CBL: variants seen among roughly 807,000 people sequenced by gnomAD.
The protein encoded by CBL is Cbl proto-oncogene.
CBL carries 45 observed loss-of-function variants against 96.9 expected under a neutral mutation model. The observed-to-expected ratio is 0.46, with a 90% CI of 0.37 to 0.60. The LOEUF (loss-of-function observed/expected upper bound fraction) is 0.60, where lower values mean the gene tolerates loss of function less well. Among genes scored for constraint, CBL ranks in the 20% least tolerant of loss-of-function variants. The pLI, the probability that CBL is intolerant of heterozygous loss-of-function variation, is 0.00. For missense variants in CBL, 1,024 were observed against 1,143.5 expected, an observed-to-expected ratio of 0.90 and a Z score of 1.51; for synonymous variants, 420 against 426.8, an observed-to-expected ratio of 0.98 and a Z score of 0.20.
At chr11:119,265,120 A>G (rs1168178818) in intron 2 of CBL, among the ~76,000 whole-genome samples, 1 of 152,190 alleles carries the variant, frequency 6.6e-6, no homozygotes, top group African/African-American at 2.4e-5. Context: ...AGTTCAAGCA[A>G]TCTGCCGGCC....
rs538958042 is a variant in CBL, at chr11:119,218,991, G to A, written c.195+12379G>A. On this transcript the variant is annotated intron_variant, in intron 1 of 15. Coordinates refer to ENST00000264033, the MANE Select transcript of CBL (RefSeq NM_005188.4). ...CCAGCACTTTGGGAGGCTAAGGTGG[G>A]TGTATCACTTGTGTCCAGGAGTTCG... Among the ~76,000 whole-genome samples the A allele has an allele frequency of 1.1e-4, 17 of 152,268 alleles. No individual in the cohort carries two copies. In the South Asian group the frequency reaches 3.5e-3, roughly 32 times the overall value.
chr11:119,267,608 C>T (rs1565869277), intron 2 of CBL, among the ~76,000 whole-genome samples: 1 of 152,188 alleles, frequency 6.6e-6, no homozygotes, highest in Admixed American at 6.5e-5. Flanking sequence ...TTCTCATACT[C>T]TGTGTTATTC....
intron 2 of CBL, among the ~76,000 whole-genome samples, chr11:119,254,952 T>A (rs1019435816): frequency 6.6e-6 from 1 of 152,142 alleles, no homozygotes; most frequent in Non-Finnish European, 1.5e-5. Flanking sequence ...TGAGCATCAG[T>A]GACATCATTT....
chr11:119,209,880 A>T, intron 1 of CBL, among the ~76,000 whole-genome samples: 1 of 152,218 alleles, frequency 6.6e-6, no homozygotes, highest in East Asian at 1.9e-4. Flanking sequence ...TGGAACTTAA[A>T]CTTAACTGTT....
rs757933118 is a variant in CBL at position 119,278,207 on chromosome 11, A to G, written c.1137A>G (p.Gln379=). The G allele has an allele frequency of 3.1e-6, 5 of 1,611,652 alleles. No homozygotes were observed. The highest frequency in any genetic ancestry group is 1.7e-4 in the Middle Eastern group (1 of 6,054). ...ELYCEMGSTF[Q]LCKICAENDK... ...ACTGTGAGATGGGCTCCACATTCCA[A>G]CTATGTAAAATATGTGCTGAAAATG... The change falls in exon 8 of 16, where the codon CAA becomes CAG. Residue 379 remains glutamine (Q), a synonymous_variant. Transcript: ENST00000264033.
intron 1 of CBL, among the ~76,000 whole-genome samples, chr11:119,225,758 G>A (rs1201006815): frequency 2.9e-5 from 2 of 69,254 alleles, no homozygotes; most frequent in South Asian, 5.2e-4. Context: ...ACAGAGTTTC[G>A]TTCTTGTTGC....
At chr11:119,255,793 T>C (rs1949706751) in intron 2 of CBL, among the ~76,000 whole-genome samples, 1 of 152,166 alleles carries the variant, frequency 6.6e-6, no homozygotes, top group African/African-American at 2.4e-5. Flanking sequence ...CACAAATGAA[T>C]GTATGTCTAT....
At chr11:119,223,578 C>A (rs1006490740) in intron 1 of CBL, among the ~76,000 whole-genome samples, 1 of 147,400 alleles carries the variant, frequency 6.8e-6, no homozygotes, top group Admixed American at 6.8e-5. Flanking sequence ...TACAGGCGCC[C>A]GCCACCACGC....
chr11:119,253,431 A>T (rs1363738434), intron 2 of CBL, among the ~76,000 whole-genome samples: 1 of 127,610 alleles, frequency 7.8e-6, no homozygotes, highest in Non-Finnish European at 1.6e-5. Flanking sequence ...AGCCTGCTCA[A>T]TATAGCAAGA....
At chr11:119,257,907 A>AT (rs1306963534) in intron 2 of CBL, among the ~76,000 whole-genome samples, 7 of 152,076 alleles carry the variant, frequency 4.6e-5, no homozygotes, top group Admixed American at 2.0e-4. Flanking sequence ...CCATTGGTGT[A>AT]TTAGTCCATT....
At chr11:119,221,235 T>C (rs1213422495) in intron 1 of CBL, among the ~76,000 whole-genome samples, 1 of 147,326 alleles carries the variant, frequency 6.8e-6, no homozygotes, top group Non-Finnish European at 1.5e-5. Flanking sequence ...AGAGCGAGAC[T>C]CCATCTCAGA....
chr11:119,251,152 A>G (rs1252225706), intron 2 of CBL, among the ~76,000 whole-genome samples: 6 of 152,010 alleles, frequency 3.9e-5, no homozygotes, highest in Admixed American at 6.6e-5. Flanking sequence ...AACTCAACCT[A>G]TCCTTCTTCC....
intron 1 of CBL, among the ~76,000 whole-genome samples, chr11:119,228,495 A>T (rs1949476442): frequency 6.6e-6 from 1 of 151,964 alleles, no homozygotes. Flanking sequence ...AATCCCAGCT[A>T]CTTGGGAGGC....
rs1423287961 is a variant in CBL at position 119,285,313 on chromosome 11, G to A, written c.1688G>A (p.Arg563His). The change falls in exon 11 of 16, where the codon CGC (arginine) becomes CAC (histidine). Residue 563 changes from arginine (R) to histidine (H), a missense_variant. This residue lies in a region of CBL where 695 missense variants were observed against 661.6 expected (regional missense o/e 1.05). Coordinates refer to ENST00000264033, the MANE Select transcript of CBL (RefSeq NM_005188.4). ...SVGAESRPQR[R>H]PLPCTPGDCP... The stretch of plus-strand genomic sequence containing the variant: ...GGAGCAGAATCCCGACCTCAAAGAC[G>A]CCCCTTGCCTTGTACACCAGGCGAC... The A allele has an allele frequency of 1.1e-5, 17 of 1,613,876 alleles. No homozygotes were observed. The highest frequency in any genetic ancestry group is 1.3e-5 in the African/African-American group (1 of 74,826).
rs1950115732 is a variant in CBL, at chr11:119,303,625, G to T, written c.*3844G>T. ...GGCCAAGATTCTCCCATTATCCCCTGTTGTCTCCTGTAGCTTTGATAATGC... is the reference window on the plus strand; with the variant it reads ...GGCCAAGATTCTCCCATTATCCCCTTTTGTCTCCTGTAGCTTTGATAATGC... On this transcript the variant is annotated 3_prime_UTR_variant, in exon 16 of 16. Coordinates refer to ENST00000264033, the MANE Select transcript of CBL (RefSeq NM_005188.4). 1 of 233,554 alleles carries T rather than the reference G, an allele frequency of 4.3e-6. No homozygotes were observed. Among genetic ancestry groups the T allele is most frequent in the Admixed American group, 5.6e-5 (1 of 17,782 alleles). The allele number at this position is 233,554 out of a possible 1,614,324, so 14.5% of individuals were successfully genotyped here.
rs1950144138 is a variant in CBL at position 119,306,608 on chromosome 11, T to G, written c.*6827T>G. Reference sequence around the variant, plus strand: ...ACCTTCTTGTGGGTGAGGGTGGCCATGCTTATGGCCATCTTAAAACTGGAG... The same window carrying G: ...ACCTTCTTGTGGGTGAGGGTGGCCAGGCTTATGGCCATCTTAAAACTGGAG... On this transcript the variant is annotated 3_prime_UTR_variant, in exon 16 of 16. Transcript: ENST00000264033. The G allele has an allele frequency of 1.9e-5, 7 of 373,258 alleles. No homozygotes were observed. The allele number at this position is 373,258 out of a possible 1,614,324, so 23.1% of individuals were successfully genotyped here.
At chr11:119,262,864 TG>T (rs1949764512) in intron 2 of CBL, among the ~76,000 whole-genome samples, 1 of 152,172 alleles carries the variant, frequency 6.6e-6, no homozygotes, top group Non-Finnish European at 1.5e-5. Flanking sequence ...CTTTGAAGAA[TG>T]GGCAGGATTT....
At chr11:119,215,170 T>G (rs1949349297) in intron 1 of CBL, among the ~76,000 whole-genome samples, 1 of 152,016 alleles carries the variant, frequency 6.6e-6, no homozygotes, top group Non-Finnish European at 1.5e-5. Flanking sequence ...GCTCTCTCCG[T>G]TTTGTGAGTT....
chr11:119,296,522 C>T (rs939768806), intron 12 of CBL, among the ~76,000 whole-genome samples: 1 of 152,194 alleles, frequency 6.6e-6, no homozygotes, highest in African/African-American at 2.4e-5. Context: ...ACAAGCTATG[C>T]ATTCCTTGAA....
Sources: gnomAD v4.1 joint callset for allele counts (sites outside exome capture counted in the v4.1 genomes callset) on GRCh38, gnomAD v4.1.1 for gene constraint, gnomAD v4.1.1 regional missense constraint, MANE v1.5 for transcripts, NCBI Gene and HGNC (gene_info 2026-07-23, HGNC 2026-07-21) for gene names.